The following STRBP variants were observed in gnomAD, a reference collection of about 807,000 sequenced individuals.
The protein encoded by STRBP is spermatid perinuclear RNA binding protein.
A neutral mutation model predicts 80.1 loss-of-function variants in STRBP; 13 were observed. The ratio of observed to expected loss-of-function variants is 0.16; its 90% CI spans 0.11 to 0.26. The LOEUF is 0.26. Ranked by LOEUF, STRBP falls within the 10% of genes least tolerant of loss-of-function variation. The probability of loss-of-function intolerance (pLI) is 1.00; values close to 1 mark genes in which losing one functional copy is unlikely to be tolerated. For missense variants in STRBP, 485 were observed against 815.2 expected (o/e 0.59, Z 4.93); for synonymous variants, 284 against 291.2 (o/e 0.98, Z 0.25).
chr9:123,120,456 T>C (rs1052005506), downstream of STRBP, among the ~76,000 whole-genome samples: 1 of 115,890 alleles, frequency 8.6e-6, no homozygotes, highest in Non-Finnish European at 1.7e-5. Flanking sequence ...TATAGGGCTC[T>C]GGATTGCTTG....
At chr9:123,223,124 T>C (rs1195922187) in intron 2 of STRBP, among the ~76,000 whole-genome samples, 2 of 152,070 alleles carry the variant, frequency 1.3e-5, no homozygotes, top group South Asian at 2.1e-4. Context: ...AAAAAAGCTA[T>C]GTAATATATT....
At chr9:123,245,158 C>A (rs913006701) in intron 1 of STRBP, among the ~76,000 whole-genome samples, 2 of 152,152 alleles carry the variant, frequency 1.3e-5, no homozygotes, top group African/African-American at 2.4e-5. Flanking sequence ...TGTGAATCCA[C>A]AACTACCTCA....
intron 6 of STRBP, among the ~76,000 whole-genome samples, chr9:123,168,457 AT>A (rs1317883381): frequency 1.3e-5 from 2 of 152,174 alleles, no homozygotes; most frequent in African/African-American, 4.8e-5. Context: ...CCCAAAAAGC[AT>A]TTTTTTAAAA....
intron 17 of STRBP, among the ~76,000 whole-genome samples, chr9:123,130,454 A>C (rs1232418706): frequency 6.6e-6 from 1 of 152,140 alleles, no homozygotes; most frequent in Non-Finnish European, 1.5e-5. Flanking sequence ...GAGTGGCCAT[A>C]AACGGTTCCT....
chr9:123,190,346 T>C (rs1210389600), intron 2 of STRBP, among the ~76,000 whole-genome samples: 1 of 151,282 alleles, frequency 6.6e-6, no homozygotes, highest in Non-Finnish European at 1.5e-5. Flanking sequence ...AATCCAATAC[T>C]CTCCCCAAAT....
chr9:123,146,843 C>T lies in STRBP; in HGVS notation c.1338+12G>A, dbSNP rs1284296554. 1 of 1,586,732 alleles carries T rather than the reference C, an allele frequency of 6.3e-7. No homozygotes were observed. The highest frequency in any genetic ancestry group is 1.7e-5 in the Admixed American group (1 of 59,548). ...AATAAGAAAGCATTGCAAAGTAAAA[C>T]AAATACTGTACCTTCACCGCTACGT... On this transcript the variant is annotated intron_variant, in intron 13 of 18. Transcript: ENST00000348403.
chr9:123,116,278 A>C (rs1219960213), intron 2 of STRBP, among the ~76,000 whole-genome samples: 4 of 152,170 alleles, frequency 2.6e-5, no homozygotes, highest in Admixed American at 1.3e-4. Context: ...CAAAAACCAA[A>C]GTGTGGATGA....
At chr9:123,204,954 G>A in intron 2 of STRBP, among the ~76,000 whole-genome samples, 1 of 141,288 alleles carries the variant, frequency 7.1e-6, no homozygotes, top group African/African-American at 2.6e-5. Flanking sequence ...AAGAAAGAAA[G>A]GAAAAAAAAA....
Position 123,204,873 on chromosome 9 carries a change from G to A in STRBP, c.-164-20575C>T, listed in dbSNP as rs112950644. On this transcript the variant is annotated intron_variant, in intron 2 of 18. Coordinates refer to ENST00000348403, the MANE Select transcript of STRBP (RefSeq NM_018387.5). ...CGGAAGGCAGAGGTTGCAGTGAGCC[G>A]AGACTGCGCCACTGCACTCTAGCCT... 3.5e-3 allele frequency among the ~76,000 whole-genome samples: 496 copies of A among 141,384 alleles called. 2 individuals are homozygous for A. Among genetic ancestry groups the A allele is most frequent in the African/African-American group, 0.012 (449 of 37,380 alleles). The allele number at this position is 141,384 out of a possible 152,430, so 92.8% of individuals were successfully genotyped here. A position where few individuals can be genotyped will look rare whatever the true frequency, so the allele number is the denominator to read the frequency against.
intron 2 of STRBP, among the ~76,000 whole-genome samples, chr9:123,190,105 T>TC (rs2038866837): frequency 6.6e-6 from 1 of 151,706 alleles, no homozygotes; most frequent in Non-Finnish European, 1.5e-5. Context: ...CATGGTGAAA[T>TC]CTTGTCTCTA....
chr9:123,207,034 T>A (rs1038636586), intron 2 of STRBP, among the ~76,000 whole-genome samples: 1 of 152,248 alleles, frequency 6.6e-6, no homozygotes, highest in African/African-American at 2.4e-5. Context: ...TCATATTTTC[T>A]GCTTTGGAAA....
At chr9:123,179,258 C>T in intron 3 of STRBP, 31 bp from the exon 4 acceptor site, 1 of 1,564,202 alleles carries the variant, frequency 6.4e-7, no homozygotes, top group Non-Finnish European at 8.8e-7. Flanking sequence ...ACAATTACTT[C>T]AACAAAAGAA....
intron 8 of STRBP, among the ~76,000 whole-genome samples, chr9:123,159,979 A>G (rs537980155): frequency 1.1e-4 from 17 of 152,298 alleles, no homozygotes; most frequent in Middle Eastern, 3.4e-3. Context: ...CCTATTGGGT[A>G]ATTTTCATGG....
At chr9:123,244,592 T>C (rs1034186340) in intron 1 of STRBP, among the ~76,000 whole-genome samples, 2 of 152,204 alleles carry the variant, frequency 1.3e-5, no homozygotes, top group Non-Finnish European at 2.9e-5. Context: ...TGCCCAACTT[T>C]CTGTAAACCT....
At chr9:123,151,432 G>A (rs1411593459) in intron 11 of STRBP, among the ~76,000 whole-genome samples, 1 of 152,096 alleles carries the variant, frequency 6.6e-6, no homozygotes. Flanking sequence ...ACCATGTGCT[G>A]GGGCATAAAA....
chr9:123,138,987 T>G (rs1415890430), intron 14 of STRBP, among the ~76,000 whole-genome samples: 2 of 152,236 alleles, frequency 1.3e-5, no homozygotes, highest in African/African-American at 4.8e-5. Flanking sequence ...TACTTGGATT[T>G]CATCCCATTC....
chr9:123,147,656 T>G, intron 12 of STRBP, 122 bp downstream of exon 12: 1 of 787,436 alleles, frequency 1.3e-6, no homozygotes, highest in Non-Finnish European at 1.9e-6. Context: ...CCAGTCTCAG[T>G]GACAGAATGA....
intron 13 of STRBP, among the ~76,000 whole-genome samples, chr9:123,142,743 CTTTTTTT>C (rs572313954): frequency 6.8e-6 from 1 of 147,188 alleles, no homozygotes; most frequent in African/African-American, 2.5e-5. Flanking sequence ...TGATAACACA[CTTTTTTT>C]TTTTTACTGT....
At chr9:123,246,673 G>A (rs1385821900) in intron 1 of STRBP, among the ~76,000 whole-genome samples, 1 of 152,190 alleles carries the variant, frequency 6.6e-6, no homozygotes, top group Non-Finnish European at 1.5e-5. Flanking sequence ...TTTTAAATAT[G>A]TGTAATCTTT....
Sources: allele counts gnomAD v4.1 joint callset (sites outside exome capture counted in the v4.1 genomes callset), GRCh38; gene constraint gnomAD v4.1.1; transcripts MANE v1.5; gene names NCBI Gene and HGNC (gene_info 2026-07-23, HGNC 2026-07-21).